Variants in SNTN observed in about 807,000 individuals in gnomAD.
SNTN encodes the protein sentan.
In SNTN, 13 loss-of-function variants were observed where a neutral mutation model predicts 12.3. That is an observed-to-expected ratio of 1.05 (90% confidence interval 0.69 to 1.67). The LOEUF (loss-of-function observed/expected upper bound fraction) is 1.67, where lower values mean the gene tolerates loss of function less well. Ranked by LOEUF, SNTN falls within the 40% of genes most tolerant of loss-of-function variation. The pLI is 0.00. For missense variants in SNTN, 189 were observed against 169.8 expected (o/e 1.11, Z -0.63); for synonymous variants, 69 against 58.5 (o/e 1.18, Z -0.82).
At chr3:63,662,749 G>GTAGCATCATTC (rs1700755527) in intron 3 of SNTN, among the ~76,000 whole-genome samples, 1 of 152,184 alleles carries the variant, frequency 6.6e-6, no homozygotes, top group African/African-American at 2.4e-5. Flanking sequence ...TTCCCAAAGT[G>GTAGCATCATTC]CCTTAGTCAT....
chr3:63,663,883 T>C (rs1700770457), intron 3 of SNTN, 54 bp from the exon 4 acceptor site: 1 of 1,567,158 alleles, frequency 6.4e-7, no homozygotes, highest in African/African-American at 1.4e-5. Flanking sequence ...GTTTATGATC[T>C]GTAAACCTAA....
intron 2 of SNTN, among the ~76,000 whole-genome samples, chr3:63,655,216 G>A (rs897002637): frequency 6.6e-6 from 1 of 152,108 alleles, no homozygotes; most frequent in East Asian, 1.9e-4. Context: ...GCCACCTCTC[G>A]AAGTGTAAAT....
At chr3:63,654,500 G>A (rs181602889) in intron 1 of SNTN, among the ~76,000 whole-genome samples, 19 of 152,244 alleles carry the variant, frequency 1.2e-4, no homozygotes, top group African/African-American at 3.1e-4. Flanking sequence ...CTCCATTTCC[G>A]TCTGGAGGAA....
At chr3:63,662,851 A>C (rs920232308) in intron 3 of SNTN, among the ~76,000 whole-genome samples, 1 of 152,188 alleles carries the variant, frequency 6.6e-6, no homozygotes. Flanking sequence ...GAATCAAATG[A>C]CTTTAACATT....
chr3:63,662,157 G>A (rs1279858932), intron 3 of SNTN, among the ~76,000 whole-genome samples: 1 of 152,164 alleles, frequency 6.6e-6, no homozygotes, highest in Non-Finnish European at 1.5e-5. Flanking sequence ...TGCAATGTCT[G>A]TCAGAATGCT....
chr3:63,656,692 A>G (rs1450187456), intron 2 of SNTN, among the ~76,000 whole-genome samples: 1 of 152,218 alleles, frequency 6.6e-6, no homozygotes, highest in African/African-American at 2.4e-5. Flanking sequence ...GCACTGATGT[A>G]GAAGATAATA....
In SNTN at chr3:63,664,036, A is replaced by G; in HGVS notation, c.385A>G (p.Ser129Gly). The G allele has an allele frequency of 6.2e-7, 1 of 1,613,996 alleles. No homozygotes were observed. The highest frequency in any genetic ancestry group is 8.5e-7 in the Non-Finnish European group (1 of 1,179,958). Residue 129 changes from serine (S) to glycine (G), a missense_variant, in exon 4 of 4, where the codon AGC becomes GGC. Transcript: ENST00000343837. ...DFEDFMILLL[S>G]ITVMSDLLQN... ...TGAAGACTTCATGATCTTGCTCTTA[A>G]GCATCACTGTCATGTCAGATCTGCT...
At chr3:63,654,553 G>A (rs1272559521) in intron 1 of SNTN, among the ~76,000 whole-genome samples, 1 of 152,194 alleles carries the variant, frequency 6.6e-6, no homozygotes, top group African/African-American at 2.4e-5. Context: ...ACTGATATAC[G>A]TGGGTAGCTG....
chr3:63,659,552 C>G (rs546204952), intron 2 of SNTN, among the ~76,000 whole-genome samples, 173 bp from the exon 3 acceptor site: 1 of 152,162 alleles, frequency 6.6e-6, no homozygotes, highest in African/African-American at 2.4e-5. Context: ...GACCTTTGTT[C>G]TCGGTTGTTT....
At chr3:63,661,643 C>T (rs896721739) in intron 3 of SNTN, among the ~76,000 whole-genome samples, 1 of 150,770 alleles carries the variant, frequency 6.6e-6, no homozygotes, top group Non-Finnish European at 1.5e-5. Flanking sequence ...CTATATTAAA[C>T]ATGTATTTTT....
At position 63,663,937 on chromosome 3, in the gene SNTN, G is replaced by A. The variant is rs1397631105; in HGVS notation, c.286G>A (p.Gly96Arg). The change falls in exon 4 of 4, where the codon GGA becomes AGA. Residue 96 changes from glycine (G) to arginine (R), a missense_variant and splice_region_variant. Gly to Arg is a moderately radical substitution (Grantham distance 125, BLOSUM62 -2). Transcript: ENST00000343837. ...GGTTTTTATTTCTCCATTCTCACAG[G>A]GACAAGAAACCAAGCCAAAATACAG... Reference protein sequence around the residue: ...LQTQFRNFAEGQETKPKYREI... With the variant: ...LQTQFRNFAERQETKPKYREI... 4.4e-6 allele frequency: 7 copies of A among 1,608,606 alleles called. No individual in the cohort carries two copies. Among genetic ancestry groups the A allele is most frequent in the African/African-American group, 1.3e-5 (1 of 74,498 alleles).
intron 2 of SNTN, among the ~76,000 whole-genome samples, chr3:63,659,040 A>G (rs564551686): frequency 6.6e-6 from 1 of 152,288 alleles, no homozygotes; most frequent in Admixed American, 6.5e-5. Flanking sequence ...GATAAGTTCT[A>G]CACTAGGGGA....
intron 3 of SNTN, among the ~76,000 whole-genome samples, chr3:63,660,683 C>T (rs1279087049): frequency 6.6e-6 from 1 of 152,052 alleles, no homozygotes; most frequent in Non-Finnish European, 1.5e-5. Context: ...GTTCCCACTC[C>T]TAGAGAAGAA....
chr3:63,661,489 T>A (rs1040604245), intron 3 of SNTN, among the ~76,000 whole-genome samples: 1 of 152,190 alleles, frequency 6.6e-6, no homozygotes, highest in African/African-American at 2.4e-5. Flanking sequence ...AGTGGGTGAT[T>A]ATTTCAAAAG....
At chr3:63,656,676 G>A (rs2106939688) in intron 2 of SNTN, among the ~76,000 whole-genome samples, 1 of 152,094 alleles carries the variant, frequency 6.6e-6, no homozygotes, top group Admixed American at 6.6e-5. Flanking sequence ...TTTTGGTGGG[G>A]GTACAGCACT....
In SNTN at chr3:63,654,792, G is replaced by T; in HGVS notation, c.141G>T (p.Val47=). The change falls in exon 2 of 4, where the codon GTG becomes GTT. Residue 47 remains valine, a synonymous_variant. Transcript: ENST00000343837. ...RISISKQLAS[V]KALRKCSDLE... ...CAATATCCAAACAACTGGCTTCAGTGAAAGGTAAGGCACAGATGACGCAGA... is the reference window on the plus strand; with the variant it reads ...CAATATCCAAACAACTGGCTTCAGTTAAAGGTAAGGCACAGATGACGCAGA... 1 of 1,613,110 alleles carries T rather than the reference G, an allele frequency of 6.2e-7. No individual in the cohort carries two copies. The highest frequency in any genetic ancestry group is 1.7e-4 in the Middle Eastern group (1 of 6,058).
intron 2 of SNTN, among the ~76,000 whole-genome samples, chr3:63,656,231 A>T (rs1248676724): frequency 6.6e-6 from 1 of 152,218 alleles, no homozygotes; most frequent in Non-Finnish European, 1.5e-5. Context: ...ATTCCAGAGC[A>T]GGTGAGGAGG....
At position 63,658,518 on chromosome 3, in the gene SNTN, C is replaced by A. The variant is rs112021424; in HGVS notation, c.146-1207C>A. 5.8e-3 allele frequency among the ~76,000 whole-genome samples: 884 copies of A among 151,552 alleles called. 13 individuals are homozygous for A. The highest frequency in any genetic ancestry group is 0.019 in the African/African-American group (777 of 41,246). On this transcript the variant is annotated intron_variant, in intron 2 of 3. Transcript: ENST00000343837. ...ACATACTCTTGATTATTATTGATTT[C>A]TTTGCTAGATCGTAAGATCTATGAG...
At chr3:63,663,665 C>T (rs1285379904) in intron 3 of SNTN, 2 of 499,144 alleles carry the variant, frequency 4.0e-6, no homozygotes, top group Non-Finnish European at 3.7e-6. Context: ...CTCTTGCCCC[C>T]TCTCTTGCTG....
Sources: allele counts gnomAD v4.1 joint callset (sites outside exome capture counted in the v4.1 genomes callset), GRCh38; gene constraint gnomAD v4.1.1; transcripts MANE v1.5; gene names NCBI Gene and HGNC (gene_info 2026-07-23, HGNC 2026-07-21).